SMURF2: variants seen among roughly 807,000 people sequenced by gnomAD.
SMURF2 encodes the protein E3 ubiquitin-protein ligase SMURF2.
SMURF2 carries 48 observed loss-of-function variants against 109.6 expected under a neutral mutation model. The ratio of observed to expected loss-of-function variants is 0.44; its 90% CI spans 0.35 to 0.56. The LOEUF (loss-of-function observed/expected upper bound fraction) is 0.56. SMURF2 is among the 20% of genes least tolerant of loss of function. The probability of loss-of-function intolerance (pLI) is 0.01; values close to 1 mark genes in which losing one functional copy is unlikely to be tolerated. For synonymous variants in SMURF2, 288 were observed against 317.1 expected, an observed-to-expected ratio of 0.91 and a Z score of 0.97; for missense variants, 575 against 909.0, an observed-to-expected ratio of 0.63 and a Z score of 4.72.
At chr17:64,626,325 A>T (rs1485407521) in intron 1 of SMURF2, among the ~76,000 whole-genome samples, 1 of 151,846 alleles carries the variant, frequency 6.6e-6, no homozygotes, top group Non-Finnish European at 1.5e-5. Context: ...ATGTCCATGC[A>T]GGGTCATATA....
At chr17:64,552,675 C>T (rs1969061882) in intron 15 of SMURF2, among the ~76,000 whole-genome samples, 1 of 152,106 alleles carries the variant, frequency 6.6e-6, no homozygotes, top group Non-Finnish European at 1.5e-5. Context: ...ACTGCTAAGA[C>T]TTAGGAAATT....
At position 64,593,488 on chromosome 17, in the gene SMURF2, A is replaced by G; in HGVS notation, c.286T>C (p.Cys96Arg). 3.1e-6 allele frequency: 5 copies of G among 1,610,586 alleles called. No homozygotes were observed. The highest frequency in any genetic ancestry group is 4.2e-6 in the Non-Finnish European group (5 of 1,178,690). Residue 96 changes from cysteine to arginine, a missense_variant, in exon 4 of 19, where the codon TGT becomes CGT. By Grantham distance (180) the Cys-to-Arg change is radical. This residue lies in a region of SMURF2 where 33 missense variants were observed against 66.0 expected (regional missense o/e 0.50). Transcript: ENST00000262435. ...HKKQGAGFLGCVRLLSNAINR... is the reference protein window; with the variant it reads ...HKKQGAGFLGRVRLLSNAINR... The stretch of plus-strand genomic sequence containing the variant: ...ATGGCATTGGAAAGAAGACGAACAC[A>G]ACCGAGAAATCCAGCACCTTGTTTC...
intron 10 of SMURF2, 109 bp from the exon 11 acceptor site, chr17:64,563,075 C>T (rs996552044): frequency 1.6e-5 from 16 of 1,025,304 alleles, no homozygotes; most frequent in African/African-American, 1.1e-4. Context: ...CTATCATTTT[C>T]CAAGCCTTAG....
At chr17:64,609,913 A>T (rs1191638933) in intron 1 of SMURF2, among the ~76,000 whole-genome samples, 2 of 128,552 alleles carry the variant, frequency 1.6e-5, no homozygotes, top group African/African-American at 8.4e-5. Context: ...TTAAATTTAC[A>T]AAAAAAAAAA....
At chr17:64,575,646 G>A (rs1555686000) in intron 9 of SMURF2, among the ~76,000 whole-genome samples, 1 of 151,804 alleles carries the variant, frequency 6.6e-6, no homozygotes, top group Non-Finnish European at 1.5e-5. Context: ...CCCAAGACTA[G>A]CTAGTCACAT....
In SMURF2 at chr17:64,562,954, T is replaced by C. The variant is rs782229091; in HGVS notation, c.1029A>G (p.Gln343=). ...CTTGCTGTTGCTGTTGGTCTTTCAA[T>C]TGGTTCTGCCGACTAGAAGTAAACA... is the stretch of plus-strand genomic sequence containing the variant. ...NLHLVLNRQN[Q]LKDQQQQQVV... Residue 343 remains glutamine, a synonymous_variant, in exon 11 of 19, where the codon CAA becomes CAG. Transcript: ENST00000262435. The C allele has an allele frequency of 5.6e-6, 9 of 1,613,326 alleles. No homozygotes were observed. Among genetic ancestry groups the C allele is most frequent in the African/African-American group, 2.7e-5 (2 of 74,936 alleles).
At chr17:64,654,738 A>G (rs1396139435) in intron 1 of SMURF2, among the ~76,000 whole-genome samples, 1 of 152,216 alleles carries the variant, frequency 6.6e-6, no homozygotes, top group Non-Finnish European at 1.5e-5. Flanking sequence ...CTGAGGCAGG[A>G]GAATCGCTTG....
chr17:64,654,068 T>G (rs570512480), intron 1 of SMURF2, among the ~76,000 whole-genome samples: 94 of 152,168 alleles, frequency 6.2e-4, no homozygotes, highest in Non-Finnish European at 1.1e-3. Context: ...AAGTTCTCGG[T>G]ATTGAAGAAG....
chr17:64,643,489 A>T (rs1462614806), intron 1 of SMURF2, among the ~76,000 whole-genome samples: 2 of 152,130 alleles, frequency 1.3e-5, no homozygotes, highest in African/African-American at 4.8e-5. Flanking sequence ...TACTACATAA[A>T]CTGGGCTCTT....
At chr17:64,611,655 C>T (rs185536334) in intron 1 of SMURF2, among the ~76,000 whole-genome samples, 74 of 152,290 alleles carry the variant, frequency 4.9e-4, no homozygotes, top group Admixed American at 4.8e-3. Context: ...ACACCTTAGT[C>T]CACCATCTAC....
At chr17:64,661,732 C>T (rs1281315828) in intron 1 of SMURF2, 97 bp downstream of exon 1, 43 of 893,430 alleles carry the variant, frequency 4.8e-5, no homozygotes, top group Non-Finnish European at 5.6e-5. Context: ...CCCAACTCAT[C>T]ATTGATCGCG....
chr17:64,608,597 G>C (rs1261867523), intron 1 of SMURF2, among the ~76,000 whole-genome samples: 1 of 152,104 alleles, frequency 6.6e-6, no homozygotes, highest in African/African-American at 2.4e-5. Flanking sequence ...GTTTTAATGA[G>C]GTAATGATGA....
chr17:64,578,700 T>A, intron 8 of SMURF2, 124 bp from the exon 9 acceptor site: 2 of 631,330 alleles, frequency 3.2e-6, no homozygotes, highest in Admixed American at 3.2e-5. Flanking sequence ...TTTTATTTAT[T>A]ATCAAAAAAG....
intron 11 of SMURF2, 118 bp from the exon 12 acceptor site, chr17:64,561,721 G>A: frequency 1.5e-6 from 1 of 685,472 alleles, no homozygotes; most frequent in Non-Finnish European, 2.4e-6. Context: ...ATTTGGCCAG[G>A]TGCAGTAGCT....
In SMURF2 at chr17:64,636,651, C is replaced by T. The variant is rs1483808124; in HGVS notation, c.52+25178G>A. ...AAAATTAGCTGGGCATGGTGGTGTGCACCTGTAGTCCCAGCTACTCAGGAG... is the reference window on the plus strand; with the variant it reads ...AAAATTAGCTGGGCATGGTGGTGTGTACCTGTAGTCCCAGCTACTCAGGAG... On this transcript the variant is annotated intron_variant, in intron 1 of 18. Transcript: ENST00000262435. Among the ~76,000 whole-genome samples, 6 of 146,192 alleles carry T rather than the reference C, an allele frequency of 4.1e-5. No homozygotes were observed. In the East Asian group the frequency reaches 1.2e-3, roughly 29 times the overall value.
chr17:64,614,149 C>T (rs1259039787), intron 1 of SMURF2, among the ~76,000 whole-genome samples: 4 of 152,234 alleles, frequency 2.6e-5, no homozygotes, highest in Non-Finnish European at 5.9e-5. Flanking sequence ...TGCTGTGCAG[C>T]CCATGGCCCA....
chr17:64,651,516 G>C lies in SMURF2; in HGVS notation c.52+10313C>G, dbSNP rs374973082. ...GAACCCAGGAGGTGGAGGTTGCAGT[G>C]AGCCAAGATCGTGCCACTGCATTCC... On this transcript the variant is annotated intron_variant, in intron 1 of 18. Coordinates refer to ENST00000262435, the MANE Select transcript of SMURF2 (RefSeq NM_022739.4). Among the ~76,000 whole-genome samples, 3 of 150,980 alleles carry C rather than the reference G, an allele frequency of 2.0e-5. No homozygotes were observed. The East Asian group carries it at 5.8e-4, about 29-fold the overall frequency.
chr17:64,546,131 CACTT>C (rs1555683088), intron 18 of SMURF2, 128 bp downstream of exon 18: 1 of 984,092 alleles, frequency 1.0e-6, no homozygotes, highest in African/African-American at 1.6e-5. Flanking sequence ...ACTTTTAAAT[CACTT>C]AAGTTGCTTA....
At chr17:64,659,159 G>A (rs1181372265) in intron 1 of SMURF2, among the ~76,000 whole-genome samples, 1 of 152,128 alleles carries the variant, frequency 6.6e-6, no homozygotes, top group African/African-American at 2.4e-5. Flanking sequence ...ATGAGTGTGT[G>A]AGTGTGTGTG....
Sources: gnomAD v4.1 joint callset for allele counts (sites outside exome capture counted in the v4.1 genomes callset) on GRCh38, gnomAD v4.1.1 for gene constraint, gnomAD v4.1.1 regional missense constraint, MANE v1.5 for transcripts, NCBI Gene and HGNC (gene_info 2026-07-23, HGNC 2026-07-21) for gene names.